CAMTA1: variants seen among roughly 807,000 people sequenced by gnomAD.
CAMTA1 encodes calmodulin-binding transcription activator 1.
A neutral mutation model predicts 170.9 loss-of-function variants in CAMTA1; 27 were observed. The observed-to-expected ratio is 0.16, with a 90% CI of 0.12 to 0.22. The LOEUF is 0.22. CAMTA1 is among the 10% of genes least tolerant of loss of function. The pLI is 1.00. For missense variants in CAMTA1, 1,619 were observed against 2,217.2 expected, an observed-to-expected ratio of 0.73 and a Z score of 5.42; for synonymous variants, 833 against 891.5, an observed-to-expected ratio of 0.93 and a Z score of 1.17.
At chr1:7,688,941 C>T (rs1252914106) in intron 11 of CAMTA1, among the ~76,000 whole-genome samples, 1 of 152,096 alleles carries the variant, frequency 6.6e-6, no homozygotes, top group Non-Finnish European at 1.5e-5. Flanking sequence ...GTCATATGGA[C>T]CATACTTCAT....
chr1:7,032,180 G>T (rs1702903788), intron 3 of CAMTA1, among the ~76,000 whole-genome samples: 1 of 151,962 alleles, frequency 6.6e-6, no homozygotes, highest in Non-Finnish European at 1.5e-5. Flanking sequence ...GACCAGGCTG[G>T]CCTTGAACTC....
intron 3 of CAMTA1, among the ~76,000 whole-genome samples, chr1:6,949,584 TC>T (rs1222516770): frequency 4.6e-5 from 7 of 152,052 alleles, no homozygotes; most frequent in Non-Finnish European, 1.0e-4. Flanking sequence ...ACCCATCCAA[TC>T]CCCCTTCAGA....
At chr1:6,812,807 G>A (rs1557606477) in intron 1 of CAMTA1, among the ~76,000 whole-genome samples, 5 of 152,148 alleles carry the variant, frequency 3.3e-5, no homozygotes, top group Admixed American at 1.3e-4. Context: ...CCATAAATCT[G>A]GCTTGATATA....
chr1:7,412,301 A>G (rs2090836301), intron 5 of CAMTA1, among the ~76,000 whole-genome samples: 1 of 151,808 alleles, frequency 6.6e-6, no homozygotes, highest in African/African-American at 2.4e-5. Flanking sequence ...GTCAAATGGT[A>G]TTTCTAGTTC....
chr1:7,245,673 T>C (rs1303682984), intron 4 of CAMTA1, among the ~76,000 whole-genome samples: 1 of 152,148 alleles, frequency 6.6e-6, no homozygotes. Flanking sequence ...AGCTCCCTGT[T>C]GTCCCCGTAT....
chr1:7,563,450 C>T (rs967666813), intron 6 of CAMTA1, among the ~76,000 whole-genome samples: 25 of 152,272 alleles, frequency 1.6e-4, no homozygotes, highest in African/African-American at 4.6e-4. Context: ...TAGCAGCTCC[C>T]GTGCCTTCTG....
chr1:7,389,639 G>A (rs559113175), intron 5 of CAMTA1: 1 of 152,546 alleles, frequency 6.6e-6, no homozygotes, highest in East Asian at 1.9e-4. Context: ...GGTGGTGGGT[G>A]GGTAATTTAT....
chr1:7,338,372 T>C (rs1335068686), intron 5 of CAMTA1, among the ~76,000 whole-genome samples: 1 of 152,150 alleles, frequency 6.6e-6, no homozygotes, highest in East Asian at 1.9e-4. Context: ...CACAAAGGGA[T>C]TGGCCTAGTT....
intron 4 of CAMTA1, among the ~76,000 whole-genome samples, chr1:7,217,187 G>A (rs1433844592): frequency 6.6e-6 from 1 of 152,124 alleles, no homozygotes; most frequent in Admixed American, 6.5e-5. Flanking sequence ...GAGTCCTCAC[G>A]AGATCTGATC....
At position 7,104,781 on chromosome 1, in the gene CAMTA1, C is replaced by T. The variant is rs535416663; in HGVS notation, c.302+13410C>T. Among the ~76,000 whole-genome samples, 276 of 152,318 alleles carry T rather than the reference C, an allele frequency of 1.8e-3. 1 individual carries two copies. Among genetic ancestry groups the T allele is most frequent in the African/African-American group, 6.4e-3 (267 of 41,568 alleles). On this transcript the variant is annotated intron_variant, in intron 4 of 22. Transcript: ENST00000303635. ...TGCTGGCTGTGGCAGCTTCACATCA[C>T]GGGCCCATTTACATGTGAGAAAACT...
At chr1:7,439,804 G>A (rs17030842) in intron 5 of CAMTA1, among the ~76,000 whole-genome samples, 13,065 of 152,274 alleles carry the variant, frequency 0.086, 1,638 homozygotes, top group African/African-American at 0.28. Context: ...AGAGTGCCGA[G>A]CCCAGCCTCC....
intron 4 of CAMTA1, among the ~76,000 whole-genome samples, chr1:7,139,455 C>T (rs888611254): frequency 2.5e-4 from 38 of 151,794 alleles, no homozygotes; most frequent in Non-Finnish European, 4.6e-4. Context: ...TGCCCAGCAG[C>T]GATTCTGCTT....
chr1:7,085,461 C>G (rs4908598), intron 3 of CAMTA1, among the ~76,000 whole-genome samples: 123,550 of 152,218 alleles, frequency 0.81, 50,364 homozygotes, highest in Middle Eastern at 0.9. Flanking sequence ...CTGAGACACA[C>G]ACCCTCCCTG....
intron 3 of CAMTA1, among the ~76,000 whole-genome samples, chr1:6,863,182 G>T (rs746633315): frequency 6.6e-6 from 1 of 152,158 alleles, no homozygotes; most frequent in South Asian, 2.1e-4. Context: ...GGACACTTAA[G>T]ATCTGCTTAT....
At chr1:7,205,632 A>G (rs1275532091) in intron 4 of CAMTA1, among the ~76,000 whole-genome samples, 1 of 152,162 alleles carries the variant, frequency 6.6e-6, no homozygotes, top group African/African-American at 2.4e-5. Flanking sequence ...TGCATGACAT[A>G]TTTATTTTCA....
chr1:6,958,315 G>A (rs1689805949), intron 3 of CAMTA1, among the ~76,000 whole-genome samples: 5 of 152,186 alleles, frequency 3.3e-5, no homozygotes, highest in Admixed American at 3.3e-4. Flanking sequence ...CCACCAGCAG[G>A]GAGTCATGGC....
intron 6 of CAMTA1, among the ~76,000 whole-genome samples, chr1:7,475,526 G>T (rs959826404): frequency 6.6e-6 from 1 of 152,208 alleles, no homozygotes; most frequent in African/African-American, 2.4e-5. Context: ...GCACCATCCC[G>T]CAGCCCAGCC....
At position 7,745,032 on chromosome 1, in the gene CAMTA1, G is replaced by A; in HGVS notation, c.4370+10G>A. 1 of 1,605,670 alleles carries A rather than the reference G, an allele frequency of 6.2e-7. No individual in the cohort carries two copies. Among genetic ancestry groups the A allele is most frequent in the Non-Finnish European group, 8.5e-7 (1 of 1,176,014 alleles). On this transcript the variant is annotated intron_variant, in intron 17 of 22. Coordinates refer to ENST00000303635, the MANE Select transcript of CAMTA1 (RefSeq NM_015215.4). Reference sequence around the variant, plus strand: ...GTGCTGCCCAGATCCGGTGAGTAAAGTTACGGAGGTCACTACCCAGCATAG... The same window carrying A: ...GTGCTGCCCAGATCCGGTGAGTAAAATTACGGAGGTCACTACCCAGCATAG...
intron 3 of CAMTA1, among the ~76,000 whole-genome samples, chr1:6,854,346 A>G (rs763523328): frequency 1.3e-5 from 2 of 152,232 alleles, no homozygotes; most frequent in African/African-American, 4.8e-5. Flanking sequence ...AGGATATACC[A>G]TATGGCTTAG....
Sources: gnomAD v4.1 joint callset for allele counts (sites outside exome capture counted in the v4.1 genomes callset) on GRCh38, gnomAD v4.1.1 for gene constraint, MANE v1.5 for transcripts, NCBI Gene and HGNC (gene_info 2026-07-23, HGNC 2026-07-21) for gene names.